The following PNLIPRP3 variants were observed in gnomAD, a reference collection of about 807,000 sequenced individuals.
The protein encoded by PNLIPRP3 is pancreatic lipase-related protein 3.
A neutral mutation model predicts 52.8 loss-of-function variants in PNLIPRP3; 58 were observed. The ratio of observed to expected loss-of-function variants is 1.10; its 90% CI spans 0.89 to 1.37. The LOEUF is 1.37. PNLIPRP3 is among the 40% of genes most tolerant of loss of function. PNLIPRP3 has a pLI of 0.00. For synonymous variants in PNLIPRP3, 192 were observed against 185.0 expected (o/e 1.04, Z -0.31); for missense variants, 593 against 561.6 (o/e 1.06, Z -0.57).
At chr10:116,441,987 C>A (rs1845865163) in intron 2 of PNLIPRP3, among the ~76,000 whole-genome samples, 1 of 152,114 alleles carries the variant, frequency 6.6e-6, no homozygotes, top group Non-Finnish European at 1.5e-5. Context: ...ACCTAGCCAG[C>A]AAATTGTATG....
intron 10 of PNLIPRP3, 144 bp from the exon 11 acceptor site, chr10:116,476,508 A>T (rs1480065801): frequency 2.8e-5 from 16 of 572,014 alleles, no homozygotes; most frequent in Non-Finnish European, 4.3e-5. Flanking sequence ...ATGCTGATCA[A>T]TACACATGGA....
chr10:116,439,818 C>T (rs2133116159), intron 2 of PNLIPRP3: 1 of 776,184 alleles, frequency 1.3e-6, no homozygotes, highest in Non-Finnish European at 2.4e-6. Flanking sequence ...GTTCATAATC[C>T]TTCATTTCCC....
In PNLIPRP3 at chr10:116,444,457, G is replaced by C. The variant is rs200054779; in HGVS notation, c.400G>C (p.Val134Leu). Reference protein sequence around the residue: ...INGSREYIHAVNNLRVVGAEV... With the variant: ...INGSREYIHALNNLRVVGAEV... ...CGGTTCACGGGAATACATCCATGCT[G>C]TAAACAATCTCCGTGTTGTTGGTGC... Residue 134 changes from valine (V) to leucine (L), a missense_variant, in exon 4 of 12, where the codon GTA becomes CTA. By Grantham distance (32) the Val-to-Leu change is conservative (BLOSUM62 1). Coordinates refer to ENST00000369230, the MANE Select transcript of PNLIPRP3 (RefSeq NM_001011709.3). 251 of 1,613,350 alleles carry C rather than the reference G, an allele frequency of 1.6e-4. No individual in the cohort carries two copies. The Middle Eastern group carries it at 4.3e-3, about 28-fold the overall frequency.
chr10:116,450,244 C>T (rs1846015577), intron 4 of PNLIPRP3, among the ~76,000 whole-genome samples: 1 of 152,146 alleles, frequency 6.6e-6, no homozygotes, highest in African/African-American at 2.4e-5. Flanking sequence ...TGGCCCCACA[C>T]AAATTTGTAA....
chr10:116,455,511 C>T (rs1246679280), intron 4 of PNLIPRP3, among the ~76,000 whole-genome samples: 1 of 152,184 alleles, frequency 6.6e-6, no homozygotes, highest in Non-Finnish European at 1.5e-5. Flanking sequence ...AGGAGGAGAG[C>T]TCCTATAGAA....
At chr10:116,436,435 A>G (rs1589975280) in intron 1 of PNLIPRP3, among the ~76,000 whole-genome samples, 1 of 152,212 alleles carries the variant, frequency 6.6e-6, no homozygotes, top group African/African-American at 2.4e-5. Flanking sequence ...TGGCTTTAGC[A>G]ATGATCATTT....
At chr10:116,471,687 C>A (rs1846373542) in intron 9 of PNLIPRP3, 81 bp from the exon 10 acceptor site, 3 of 1,079,822 alleles carry the variant, frequency 2.8e-6, no homozygotes, top group South Asian at 1.3e-5. Context: ...ATTTTATTTC[C>A]ATTAAAGGAT....
At chr10:116,432,041 T>G (rs1359126675) in intron 1 of PNLIPRP3, among the ~76,000 whole-genome samples, 1 of 152,222 alleles carries the variant, frequency 6.6e-6, no homozygotes, top group African/African-American at 2.4e-5. Context: ...CACCTGTCAC[T>G]GTTTTAATGT....
At chr10:116,431,207 T>C (rs1845705445) in intron 1 of PNLIPRP3, among the ~76,000 whole-genome samples, 1 of 152,148 alleles carries the variant, frequency 6.6e-6, no homozygotes, top group Admixed American at 6.5e-5. Context: ...TTTTATCTAG[T>C]TTGTTATAAT....
rs1274643173 is a variant in PNLIPRP3 at position 116,439,393 on chromosome 10, A to C, written c.204+2528A>C. ...GGGCAACAGACACTTCTCAGATAAG[A>C]AATGTGTCAATTACAGAGCTCCCCT... On this transcript the variant is annotated intron_variant, in intron 2 of 11. Coordinates refer to ENST00000369230, the MANE Select transcript of PNLIPRP3 (RefSeq NM_001011709.3). 5.6e-6 allele frequency: 3 copies of C among 538,062 alleles called. No homozygotes were observed. The African/African-American group carries it at 5.7e-5, about 10-fold the overall frequency. The allele number at this position is 538,062 out of a possible 1,614,324, so 33.3% of individuals were successfully genotyped here. A position where few individuals can be genotyped will look rare whatever the true frequency, so the allele number is the denominator to read the frequency against.
intron 2 of PNLIPRP3, among the ~76,000 whole-genome samples, chr10:116,438,490 A>T (rs369730633): frequency 3.3e-4 from 51 of 152,340 alleles, no homozygotes; most frequent in African/African-American, 1.2e-3. Context: ...CTCACCAGAC[A>T]CACATACATA....
In PNLIPRP3 at chr10:116,467,523, T is replaced by C. The variant is rs529955854; in HGVS notation, c.927+1355T>C. On this transcript the variant is annotated intron_variant, in intron 8 of 11. Coordinates refer to ENST00000369230, the MANE Select transcript of PNLIPRP3 (RefSeq NM_001011709.3). ...TACTCAAGCACTGCTACCCATGTTT[T>C]TAAAATGTTCACATTTCATTCCTTT... 2.6e-5 allele frequency among the ~76,000 whole-genome samples: 4 copies of C among 152,352 alleles called. No individual in the cohort carries two copies. The South Asian group carries it at 8.3e-4, about 32-fold the overall frequency.
intron 9 of PNLIPRP3, among the ~76,000 whole-genome samples, chr10:116,470,815 A>G (rs764116999): frequency 3.9e-5 from 6 of 152,130 alleles, no homozygotes; most frequent in Non-Finnish European, 8.8e-5. Flanking sequence ...GCCCACACCA[A>G]ATATTTTTAT....
intron 1 of PNLIPRP3, among the ~76,000 whole-genome samples, chr10:116,434,194 A>G (rs932033154): frequency 2.6e-5 from 4 of 152,188 alleles, no homozygotes; most frequent in Non-Finnish European, 5.9e-5. Flanking sequence ...TATTATTATA[A>G]AGGTAATTCA....
chr10:116,456,401 G>C (rs753171387), intron 5 of PNLIPRP3, among the ~76,000 whole-genome samples: 1 of 152,144 alleles, frequency 6.6e-6, no homozygotes, highest in Non-Finnish European at 1.5e-5. Flanking sequence ...ACCCTGATTT[G>C]ATCATTACAC....
At chr10:116,472,781 C>T (rs1292373633) in intron 10 of PNLIPRP3, among the ~76,000 whole-genome samples, 1 of 152,192 alleles carries the variant, frequency 6.6e-6, no homozygotes, top group Admixed American at 6.5e-5. Flanking sequence ...GACTTTATTC[C>T]ACCTTCAGTT....
At chr10:116,472,013 CT>C in intron 10 of PNLIPRP3, 134 bp downstream of exon 10, 1 of 517,960 alleles carries the variant, frequency 1.9e-6, no homozygotes. Flanking sequence ...TTTGATTTTT[CT>C]TTTTACTTCA....
chr10:116,440,123 C>T, intron 2 of PNLIPRP3: 1 of 636,664 alleles, frequency 1.6e-6, no homozygotes, highest in Non-Finnish European at 2.8e-6. Flanking sequence ...TATTTGGGGG[C>T]ACCTTCTCTG....
chr10:116,462,798 G>T (rs1280662972), intron 7 of PNLIPRP3, among the ~76,000 whole-genome samples: 1 of 152,112 alleles, frequency 6.6e-6, no homozygotes, highest in African/African-American at 2.4e-5. Flanking sequence ...CAGATCATAT[G>T]AAATTTTATG....
Sources: gnomAD v4.1 joint callset for allele counts (sites outside exome capture counted in the v4.1 genomes callset) on GRCh38, gnomAD v4.1.1 for gene constraint, MANE v1.5 for transcripts, NCBI Gene and HGNC (gene_info 2026-07-23, HGNC 2026-07-21) for gene names.